CEP295: variants seen among roughly 807,000 people sequenced by gnomAD.
CEP295 encodes centrosomal protein of 295 kDa.
In CEP295, 190 loss-of-function variants were observed where a neutral mutation model predicts 291.6. The observed-to-expected ratio is 0.65, with a 90% confidence interval of 0.58 to 0.73. The LOEUF (loss-of-function observed/expected upper bound fraction) is 0.73, where lower values mean the gene tolerates loss of function less well. Among genes scored for constraint, CEP295 ranks in the 30% least tolerant of loss-of-function variants. The pLI is 0.00. For missense variants in CEP295, 2,863 were observed against 2,949.4 expected (o/e 0.97, Z 0.68); for synonymous variants, 993 against 1,038.8 (o/e 0.96, Z 0.85).
rs372605826 is a variant in CEP295 at position 93,726,071 on chromosome 11, A to G, written c.6499+240A>G. Among the ~76,000 whole-genome samples the G allele has an allele frequency of 1.2e-3, 181 of 152,296 alleles. 4 individuals carry two copies. In the South Asian group the frequency reaches 0.035, roughly 30 times the overall value. ...CCTCAATTTCCCTACCTCAATCATT[A>G]TGTGATAGTTAACAGTTTAAGTATT... On this transcript the variant is annotated intron_variant, in intron 23 of 29. Transcript: ENST00000325212.
chr11:93,698,987 G>C lies in CEP295; in HGVS notation c.4075G>C (p.Ala1359Pro). The C allele has an allele frequency of 6.5e-7, 1 of 1,549,840 alleles. No individual in the cohort carries two copies. The highest frequency in any genetic ancestry group is 2.4e-5 in the East Asian group (1 of 40,916). ...TTTGAAGGCACTTCAAGAACAGTTA[G>C]CTACACAGAGAGAAGCCATCATTCT... ...DNLKALQEQL[A>P]TQREAIILAR... The change falls in exon 15 of 30, where the codon GCT (alanine) becomes CCT (proline). Residue 1359 changes from alanine to proline, a missense_variant. Coordinates refer to ENST00000325212, the MANE Select transcript of CEP295 (RefSeq NM_033395.2).
At chr11:93,673,179 G>A (rs1468553568) in intron 5 of CEP295, among the ~76,000 whole-genome samples, 3 of 152,156 alleles carry the variant, frequency 2.0e-5, no homozygotes, top group Admixed American at 2.0e-4. Context: ...GCTGAGTGTG[G>A]TGGCACCTGC....
intron 5 of CEP295, among the ~76,000 whole-genome samples, chr11:93,674,427 A>G (rs1950593783): frequency 6.6e-6 from 1 of 152,186 alleles, no homozygotes; most frequent in African/African-American, 2.4e-5. Context: ...TTAGCCAGGC[A>G]TGGTGGTACA....
At chr11:93,714,150 G>A (rs2135251476) in intron 18 of CEP295, among the ~76,000 whole-genome samples, 1 of 152,270 alleles carries the variant, frequency 6.6e-6, no homozygotes, top group Middle Eastern at 3.4e-3. Flanking sequence ...CTCAGGGATT[G>A]GCCCTTGGTC....
chr11:93,686,664 A>T (rs956586778), intron 9 of CEP295, among the ~76,000 whole-genome samples: 1 of 152,174 alleles, frequency 6.6e-6, no homozygotes, highest in Non-Finnish European at 1.5e-5. Flanking sequence ...TGAAGGTTTT[A>T]AAAAAACAGG....
Position 93,727,643 on chromosome 11 carries a change from T to G in CEP295, c.7161+6T>G, listed in dbSNP as rs1482206197. 1 of 1,513,440 alleles carries G rather than the reference T, an allele frequency of 6.6e-7. No individual in the cohort carries two copies. Among genetic ancestry groups the G allele is most frequent in the African/African-American group, 1.4e-5 (1 of 70,748 alleles). The allele number at this position is 1,513,440 out of a possible 1,614,324, so 93.8% of individuals were successfully genotyped here. On this transcript the variant is annotated splice_donor_region_variant and intron_variant, in intron 24 of 29. Coordinates refer to ENST00000325212, the MANE Select transcript of CEP295 (RefSeq NM_033395.2). ...AGAGCTCTATACCAGTCTGGGTAAG[T>G]GAAATCAGTGTTGTATAAATAACAT... is the stretch of plus-strand genomic sequence containing the variant.
intron 18 of CEP295, among the ~76,000 whole-genome samples, chr11:93,714,911 T>G (rs1191821924): frequency 1.3e-5 from 2 of 152,152 alleles, no homozygotes; most frequent in Non-Finnish European, 2.9e-5. Flanking sequence ...AGCACCCCTG[T>G]GGCCATCATC....
At chr11:93,703,038 A>G (rs2135154597) in intron 17 of CEP295, 119 bp downstream of exon 17, 1 of 801,262 alleles carries the variant, frequency 1.2e-6, no homozygotes, top group South Asian at 2.0e-5. Flanking sequence ...ATCTCAGCTC[A>G]CTGAAACCTC....
intron 15 of CEP295, among the ~76,000 whole-genome samples, chr11:93,701,311 G>A (rs1029119296): frequency 7.9e-5 from 12 of 152,238 alleles, no homozygotes; most frequent in Middle Eastern, 3.4e-3. Flanking sequence ...GCTGCAGTGA[G>A]CCATATTATG....
At chr11:93,701,125 G>A (rs1056008671) in intron 15 of CEP295, among the ~76,000 whole-genome samples, 2 of 152,178 alleles carry the variant, frequency 1.3e-5, no homozygotes, top group Non-Finnish European at 2.9e-5. Context: ...AGCACTTTGA[G>A]AGGCCGTGGC....
chr11:93,665,931 A>G (rs1053391170), intron 1 of CEP295, among the ~76,000 whole-genome samples: 2 of 152,172 alleles, frequency 1.3e-5, no homozygotes, highest in Non-Finnish European at 2.9e-5. Context: ...AATTACAGCA[A>G]CCTTGCTAGT....
At chr11:93,669,882 ATTAAAAACTTGTACAGGAG>A in intron 5 of CEP295, 112 bp downstream of exon 5, 1 of 658,690 alleles carries the variant, frequency 1.5e-6, no homozygotes, top group Non-Finnish European at 2.6e-6. Flanking sequence ...TTCTTGTACA[ATTAAAAACTTGTACAGGAG>A]TATATCTGGA....
chr11:93,674,588 G>A (rs1950602223), intron 5 of CEP295, among the ~76,000 whole-genome samples: 1 of 152,156 alleles, frequency 6.6e-6, no homozygotes. Context: ...GATTCTTACA[G>A]TAATTGTCAC....
intron 10 of CEP295, among the ~76,000 whole-genome samples, chr11:93,689,136 T>C (rs1951390005): frequency 6.6e-6 from 1 of 152,228 alleles, no homozygotes; most frequent in African/African-American, 2.4e-5. Context: ...ATTCTTGTAG[T>C]AGCCTGCTAT....
At chr11:93,666,579 G>A in intron 1 of CEP295, 103 bp from the exon 2 acceptor site, 2 of 555,484 alleles carry the variant, frequency 3.6e-6, no homozygotes, top group Non-Finnish European at 6.4e-6. Flanking sequence ...GGGTGACAGA[G>A]CAAGACTCTG....
intron 18 of CEP295, among the ~76,000 whole-genome samples, chr11:93,717,418 G>C (rs1029059171): frequency 1.3e-5 from 2 of 152,216 alleles, no homozygotes; most frequent in South Asian, 2.1e-4. Context: ...CAACCACGAG[G>C]CATCTCAGTA....
intron 7 of CEP295, among the ~76,000 whole-genome samples, chr11:93,681,402 A>AATTTTTTTTTTT (rs1254857017): frequency 3.4e-4 from 5 of 14,750 alleles, no homozygotes; most frequent in Non-Finnish European, 9.5e-4. Flanking sequence ...ACACCCAGCT[A>AATTTTTTTTTTT]ATTTTTTTTT....
chr11:93,721,707 C>T (rs946797110), intron 19 of CEP295: 2 of 685,772 alleles, frequency 2.9e-6, no homozygotes, highest in Non-Finnish European at 5.4e-6. Flanking sequence ...TGTGTACGCA[C>T]ATGTGTTTAT....
In CEP295 at chr11:93,726,990, T is replaced by C. The variant is rs533393736; in HGVS notation, c.6514T>C (p.Phe2172Leu). 1.4e-4 allele frequency: 206 copies of C among 1,519,846 alleles called. No individual in the cohort carries two copies. The highest frequency in any genetic ancestry group is 1.7e-4 in the Non-Finnish European group (193 of 1,135,058). 94.1% of individuals were successfully genotyped at this position (1,519,846 alleles called of 1,614,324 possible). Residue 2172 changes from phenylalanine to leucine, a missense_variant, in exon 24 of 30, where the codon TTT (phenylalanine) becomes CTT (leucine). Phe to Leu is a conservative substitution (Grantham distance 22). Coordinates refer to ENST00000325212, the MANE Select transcript of CEP295 (RefSeq NM_033395.2). Reference protein sequence around the residue: ...ENIIGGSEQCFEQLQPEYSSQ... With the variant: ...ENIIGGSEQCLEQLQPEYSSQ... ...TCTTAATGCAGGATCTGAACAATGT[T>C]TTGAACAGCTTCAGCCAGAATATTC...
Sources: allele counts gnomAD v4.1 joint callset (sites outside exome capture counted in the v4.1 genomes callset), GRCh38; gene constraint gnomAD v4.1.1; transcripts MANE v1.5; gene names NCBI Gene and HGNC (gene_info 2026-07-23, HGNC 2026-07-21).